The following LRAT variants were observed in gnomAD, a reference collection of about 807,000 sequenced individuals.
LRAT encodes lecithin retinol acyltransferase (phosphatidylcholine--retinol O-acyltransferase).
In LRAT, 11 loss-of-function variants were observed where a neutral mutation model predicts 14.2. That is an observed-to-expected ratio of 0.78 (90% CI 0.49 to 1.29). LRAT has a LOEUF of 1.29. Among genes scored for constraint, LRAT ranks in the 50% most tolerant of loss-of-function variants. The pLI, the probability that LRAT is intolerant of heterozygous loss-of-function variation, is 0.00. For missense variants in LRAT, 274 were observed against 292.4 expected (o/e 0.94, Z 0.46); for synonymous variants, 144 against 124.8 (o/e 1.15, Z -1.03).
chr4:154,749,388 A>C lies in LRAT; in HGVS notation c.*252A>C. The C allele has an allele frequency of 2.1e-6, 1 of 472,840 alleles. No individual in the cohort carries two copies. The highest frequency in any genetic ancestry group is 2.2e-5 in the South Asian group (1 of 44,612). The allele number at this position is 472,840 out of a possible 1,614,324, so 29.3% of individuals were successfully genotyped here. On this transcript the variant is annotated 3_prime_UTR_variant, in exon 3 of 3. Coordinates refer to ENST00000336356, the MANE Select transcript of LRAT (RefSeq NM_004744.5). Reference sequence around the variant, plus strand: ...AATACGACAGGGTGTGGTAGAATTCAGCAATATGAGAAAACCAGCCCCTAA... The same window carrying C: ...AATACGACAGGGTGTGGTAGAATTCCGCAATATGAGAAAACCAGCCCCTAA...
intron 2 of LRAT, among the ~76,000 whole-genome samples, chr4:154,746,837 C>T (rs1578861839): frequency 6.6e-6 from 1 of 152,104 alleles, no homozygotes; most frequent in African/African-American, 2.4e-5. Context: ...GTTTTAATTG[C>T]TGTTGCTGCA....
chr4:154,746,052 A>G (rs1732879881), intron 2 of LRAT, among the ~76,000 whole-genome samples: 1 of 152,212 alleles, frequency 6.6e-6, no homozygotes, highest in Admixed American at 6.5e-5. Context: ...AAAGGGAAAA[A>G]TGGATTTTTA....
chr4:154,750,509 G>A lies in LRAT; in HGVS notation c.*1373G>A, dbSNP rs980525063. 1.3e-5 allele frequency: 2 copies of A among 152,112 alleles called. No individual in the cohort carries two copies. Among genetic ancestry groups the A allele is most frequent in the African/African-American group, 4.8e-5 (2 of 41,432 alleles). 9.4% of individuals were successfully genotyped at this position (152,112 alleles called of 1,614,324 possible). A position where few individuals can be genotyped will look rare whatever the true frequency, so the allele number is the denominator to read the frequency against. ...CACAAAATAACAAATCATATTATGA[G>A]TGAATATGGGGAGGGCGGGGCCAAT... On this transcript the variant is annotated 3_prime_UTR_variant, in exon 3 of 3. Transcript: ENST00000336356.
chr4:154,745,993 A>G (rs938429546), intron 2 of LRAT, among the ~76,000 whole-genome samples: 43 of 152,316 alleles, frequency 2.8e-4, no homozygotes, highest in African/African-American at 1.0e-3. Flanking sequence ...GGTAATTTTT[A>G]TGAGTATTTT....
chr4:154,747,933 TA>T (rs1732914008), intron 2 of LRAT, among the ~76,000 whole-genome samples: 1 of 152,148 alleles, frequency 6.6e-6, no homozygotes, highest in Non-Finnish European at 1.5e-5. Flanking sequence ...TATTAAAACA[TA>T]TTGAACTTGT....
chr4:154,748,198 G>T (rs1301383819), intron 2 of LRAT: 3 of 983,682 alleles, frequency 3.0e-6, no homozygotes, highest in South Asian at 9.4e-5. Flanking sequence ...GCACGTAGAA[G>T]AATACAGAGG....
upstream of LRAT, among the ~76,000 whole-genome samples, chr4:154,742,271 A>G (rs1732782682): frequency 1.3e-5 from 2 of 152,114 alleles, no homozygotes; most frequent in South Asian, 4.2e-4. Context: ...CCCTTCTCCA[A>G]CTTCCTCTTT....
rs1384135590 is a variant in LRAT at position 154,749,411 on chromosome 4, T to TA, written c.*279dup. 2 of 431,282 alleles carry TA rather than the reference T, an allele frequency of 4.6e-6. No individual in the cohort carries two copies. The highest frequency in any genetic ancestry group is 8.5e-6 in the Non-Finnish European group (2 of 234,328). 26.7% of individuals were successfully genotyped at this position (431,282 alleles called of 1,614,324 possible). The stretch of plus-strand genomic sequence containing the variant: ...TCAGCAATATGAGAAAACCAGCCCC[T>TA]AAAATGATAGCCACAAGAGATTAAT... On this transcript the variant is annotated 3_prime_UTR_variant, in exon 3 of 3. Transcript: ENST00000336356.
In LRAT at chr4:154,753,119, T is replaced by C. The variant is rs916770848; in HGVS notation, c.*3983T>C. 6.6e-6 allele frequency: 1 copy of C among 152,160 alleles called. No homozygotes were observed. Among genetic ancestry groups the C allele is most frequent in the Non-Finnish European group, 1.5e-5 (1 of 68,010 alleles). The allele number at this position is 152,160 out of a possible 1,614,324, so 9.4% of individuals were successfully genotyped here. Reference sequence around the variant, plus strand: ...GTCAAATAAAGTTAATTTTACATACTATTCTCTCTTTAAATTTTAAATACA... The same window carrying C: ...GTCAAATAAAGTTAATTTTACATACCATTCTCTCTTTAAATTTTAAATACA... On this transcript the variant is annotated 3_prime_UTR_variant, in exon 3 of 3. Coordinates refer to ENST00000336356, the MANE Select transcript of LRAT (RefSeq NM_004744.5).
chr4:154,743,026 C>T (rs1732796487), upstream of LRAT, among the ~76,000 whole-genome samples: 1 of 151,388 alleles, frequency 6.6e-6, no homozygotes, highest in South Asian at 2.1e-4. Context: ...CCGTTGGAAG[C>T]TTCGTACTCA....
In LRAT at chr4:154,744,845, G is replaced by T. The variant is rs375365480; in HGVS notation, c.519G>T (p.Pro173=). The T allele has an allele frequency of 1.1e-5, 18 of 1,613,412 alleles. No homozygotes were observed. In the African/African-American group the frequency reaches 1.7e-4, roughly 16 times the overall value. ...HFVTYCRYGT[P]ISPQSDKFCE... ...TGACCTACTGCAGATATGGCACCCC[G>T]ATCAGTCCCCAGTCCGACAAGGTAT... The change falls in exon 2 of 3, where the codon CCG becomes CCT. Residue 173 remains proline (P), a synonymous_variant. Coordinates refer to ENST00000336356, the MANE Select transcript of LRAT (RefSeq NM_004744.5).
rs1733011967 is a variant in LRAT at position 154,752,232 on chromosome 4, C to A, written c.*3096C>A. On this transcript the variant is annotated 3_prime_UTR_variant, in exon 3 of 3. Coordinates refer to ENST00000336356, the MANE Select transcript of LRAT (RefSeq NM_004744.5). Reference sequence around the variant, plus strand: ...AGATGGGTGGATATTTTCCAGGAAACAGATTTTGGGCAGGACATTCCATGC... The same window carrying A: ...AGATGGGTGGATATTTTCCAGGAAAAAGATTTTGGGCAGGACATTCCATGC... The A allele has an allele frequency of 6.6e-6, 1 of 152,176 alleles. No individual in the cohort carries two copies. Among genetic ancestry groups the A allele is most frequent in the African/African-American group, 2.4e-5 (1 of 41,420 alleles). The allele number at this position is 152,176 out of a possible 1,614,324, so 9.4% of individuals were successfully genotyped here.
At chr4:154,742,894 C>A (rs1229417876), upstream of LRAT, among the ~76,000 whole-genome samples, 2 of 151,938 alleles carry the variant, frequency 1.3e-5, no homozygotes, top group African/African-American at 2.4e-5. Flanking sequence ...TAAAGGGAGG[C>A]GGACAAAGTT....
rs1732971256 is a variant in LRAT, at chr4:154,750,610, C to A, written c.*1474C>A. 1 of 151,880 alleles carries A rather than the reference C, an allele frequency of 6.6e-6. No individual in the cohort carries two copies. Among genetic ancestry groups the A allele is most frequent in the Non-Finnish European group, 1.5e-5 (1 of 67,944 alleles). The allele number at this position is 151,880 out of a possible 1,614,324, so 9.4% of individuals were successfully genotyped here. A position where few individuals can be genotyped will look rare whatever the true frequency, so the allele number is the denominator to read the frequency against. On this transcript the variant is annotated 3_prime_UTR_variant, in exon 3 of 3. Transcript: ENST00000336356. The stretch of plus-strand genomic sequence containing the variant: ...TGTTTTATCACCACTAATTTGCCCA[C>A]AACAAACTCAGTATTTAATTTTTCA...
Position 154,749,556 on chromosome 4 carries a change from G to T in LRAT, c.*420G>T. ...CTTTGTTTCATTGAAAAAACAAATT[G>T]ATAAACATATTAAACTGGAAGAATT... On this transcript the variant is annotated 3_prime_UTR_variant, in exon 3 of 3. Transcript: ENST00000336356. 6.3e-6 allele frequency: 1 copy of T among 159,952 alleles called. No homozygotes were observed. Among genetic ancestry groups the T allele is most frequent in the South Asian group, 1.8e-4 (1 of 5,594 alleles). 9.9% of individuals were successfully genotyped at this position (159,952 alleles called of 1,614,324 possible).
In LRAT at chr4:154,749,199, C is replaced by T. The variant is rs1732941891; in HGVS notation, c.*63C>T. The T allele has an allele frequency of 5.9e-6, 9 of 1,517,998 alleles. No individual in the cohort carries two copies. The highest frequency in any genetic ancestry group is 8.2e-6 in the Non-Finnish European group (9 of 1,093,758). The allele number at this position is 1,517,998 out of a possible 1,614,324, so 94.0% of individuals were successfully genotyped here. A position where few individuals can be genotyped will look rare whatever the true frequency, so the allele number is the denominator to read the frequency against. Reference sequence around the variant, plus strand: ...AAATATGTTTATATTTATAGAGCATCAATCAATATAAGCATTATTGAGAAA... The same window carrying T: ...AAATATGTTTATATTTATAGAGCATTAATCAATATAAGCATTATTGAGAAA... On this transcript the variant is annotated 3_prime_UTR_variant, in exon 3 of 3. Coordinates refer to ENST00000336356, the MANE Select transcript of LRAT (RefSeq NM_004744.5).
At chr4:154,743,023 A>T (rs1732796454), upstream of LRAT, among the ~76,000 whole-genome samples, 1 of 151,164 alleles carries the variant, frequency 6.6e-6, no homozygotes. Flanking sequence ...CAACCGTTGG[A>T]AGCTTCGTAC....
intron 2 of LRAT, among the ~76,000 whole-genome samples, chr4:154,748,646 T>G (rs1732927203): frequency 6.6e-6 from 1 of 152,168 alleles, no homozygotes; most frequent in Non-Finnish European, 1.5e-5. Flanking sequence ...TTTGCTCATC[T>G]AATTTTAAAA....
At chr4:154,745,492 G>C (rs1732869981) in intron 2 of LRAT, 1 of 153,924 alleles carries the variant, frequency 6.5e-6, no homozygotes, top group Non-Finnish European at 1.4e-5. Context: ...GCCCAGTATT[G>C]CTGCAGAAGT....
Sources: allele counts gnomAD v4.1 joint callset (sites outside exome capture counted in the v4.1 genomes callset), GRCh38; gene constraint gnomAD v4.1.1; transcripts MANE v1.5; gene names NCBI Gene and HGNC (gene_info 2026-07-23, HGNC 2026-07-21).